Variants in MYO5B observed in about 807,000 individuals in gnomAD.
MYO5B encodes the protein unconventional myosin-Vb.
MYO5B carries 143 observed loss-of-function variants against 229.3 expected under a neutral mutation model. The ratio of observed to expected loss-of-function variants is 0.62; its 90% confidence interval spans 0.54 to 0.72. The LOEUF is 0.72. MYO5B is among the 30% of genes least tolerant of loss of function. The probability of loss-of-function intolerance (pLI) is 0.00; values close to 1 mark genes in which losing one functional copy is unlikely to be tolerated. For synonymous variants in MYO5B, 918 were observed against 885.2 expected, an observed-to-expected ratio of 1.04 and a Z score of -0.66; for missense variants, 2,321 against 2,331.0, an observed-to-expected ratio of 1.00 and a Z score of 0.09.
At chr18:49,930,891 C>CAAA (rs139716218) in intron 16 of MYO5B, among the ~76,000 whole-genome samples, 18,482 of 140,328 alleles carry the variant, frequency 0.13, 1,215 homozygotes, top group East Asian at 0.26. Context: ...GACTCTGTCT[C>CAAA]AAAAAAAAAC....
chr18:49,937,916 G>A (rs1229422321), intron 14 of MYO5B, among the ~76,000 whole-genome samples: 1 of 152,190 alleles, frequency 6.6e-6, no homozygotes, highest in African/African-American at 2.4e-5. Context: ...CAGACTTTTA[G>A]TGGTGATGAC....
chr18:49,846,109 C>T (rs1373255248), intron 33 of MYO5B, among the ~76,000 whole-genome samples: 3 of 152,178 alleles, frequency 2.0e-5, no homozygotes, highest in Non-Finnish European at 4.4e-5. Flanking sequence ...CAGGCCAGCC[C>T]TGATTCAGCC....
intron 35 of MYO5B, 77 bp downstream of exon 35, chr18:49,841,288 T>C: frequency 7.3e-7 from 1 of 1,370,242 alleles, no homozygotes; most frequent in Non-Finnish European, 1.0e-6. Flanking sequence ...CACTGACCTC[T>C]GAGGGTATAC....
chr18:49,912,999 T>C (rs2024974737), intron 17 of MYO5B, among the ~76,000 whole-genome samples: 1 of 152,222 alleles, frequency 6.6e-6, no homozygotes. Context: ...ATAACATGGT[T>C]TATGTTTTAA....
rs1269940433 is a variant in MYO5B at position 50,169,574 on chromosome 18, C to G, written c.27+25193G>C. 3.1e-5 allele frequency among the ~76,000 whole-genome samples: 4 copies of G among 126,992 alleles called. 1 individual carries two copies. The highest frequency in any genetic ancestry group is 6.7e-5 in the Non-Finnish European group (4 of 59,646). The allele number at this position is 126,992 out of a possible 152,430, so 83.3% of individuals were successfully genotyped here. A position where few individuals can be genotyped will look rare whatever the true frequency, so the allele number is the denominator to read the frequency against. On this transcript the variant is annotated intron_variant, in intron 1 of 39. Transcript: ENST00000285039. ...ACTGGCTGTAATCTACACAAACTGT[C>G]CAGGCCATGAAAGTCAAGGAAATAC...
chr18:49,841,285 C>G, intron 35 of MYO5B, 80 bp downstream of exon 35: 2 of 1,349,786 alleles, frequency 1.5e-6, no homozygotes, highest in Non-Finnish European at 2.1e-6. Context: ...CCCCACTGAC[C>G]TCTGAGGGTA....
intron 22 of MYO5B, among the ~76,000 whole-genome samples, chr18:49,890,624 A>G (rs1214681490): frequency 6.6e-6 from 1 of 152,212 alleles, no homozygotes; most frequent in Non-Finnish European, 1.5e-5. Context: ...CAAGAGGGAT[A>G]TTAGTACTAT....
At chr18:49,957,977 A>G (rs879717526) in intron 12 of MYO5B, among the ~76,000 whole-genome samples, 5 of 152,030 alleles carry the variant, frequency 3.3e-5, no homozygotes, top group Non-Finnish European at 7.4e-5. Context: ...GAATGGAGGC[A>G]GCTCCTTCCT....
chr18:49,842,435 G>T (rs907742476), intron 34 of MYO5B, among the ~76,000 whole-genome samples: 6 of 152,244 alleles, frequency 3.9e-5, no homozygotes, highest in Non-Finnish European at 5.9e-5. Context: ...GTGGACTCCA[G>T]AATTGGTTTG....
intron 12 of MYO5B, among the ~76,000 whole-genome samples, chr18:49,959,088 G>C (rs1026367923): frequency 6.6e-6 from 1 of 152,050 alleles, no homozygotes; most frequent in East Asian, 1.9e-4. Flanking sequence ...AGACAAATCA[G>C]ATCACTTCAA....
chr18:50,184,568 T>C (rs2033120247), intron 1 of MYO5B, among the ~76,000 whole-genome samples: 1 of 152,210 alleles, frequency 6.6e-6, no homozygotes, highest in Non-Finnish European at 1.5e-5. Context: ...AGCTAACATG[T>C]AGTGCTGAGA....
chr18:50,001,654 G>A (rs751741828), intron 4 of MYO5B, among the ~76,000 whole-genome samples: 1 of 152,166 alleles, frequency 6.6e-6, no homozygotes, highest in Non-Finnish European at 1.5e-5. Context: ...AGCGAGAGTG[G>A]TGCAGACAAC....
chr18:50,056,593 C>T (rs536619898), intron 1 of MYO5B, among the ~76,000 whole-genome samples: 66 of 152,290 alleles, frequency 4.3e-4, no homozygotes, highest in African/African-American at 1.5e-3. Flanking sequence ...AAAGCTCAAC[C>T]AGAACATGTG....
At chr18:49,875,060 T>C (rs753143380) in intron 26 of MYO5B, among the ~76,000 whole-genome samples, 2 of 152,254 alleles carry the variant, frequency 1.3e-5, no homozygotes, top group African/African-American at 2.4e-5. Flanking sequence ...CTGCTGTCCT[T>C]TAATGAACAT....
At chr18:49,968,278 G>C (rs1255057863) in intron 10 of MYO5B, among the ~76,000 whole-genome samples, 1 of 152,218 alleles carries the variant, frequency 6.6e-6, no homozygotes, top group Non-Finnish European at 1.5e-5. Flanking sequence ...AGATGAGCTG[G>C]GGAGGAAAAG....
chr18:50,098,143 A>G (rs1052377453), intron 1 of MYO5B, among the ~76,000 whole-genome samples: 2 of 152,238 alleles, frequency 1.3e-5, no homozygotes, highest in South Asian at 4.1e-4. Context: ...TTACTCCACA[A>G]TATAACTTGC....
At chr18:49,875,914 C>T in intron 25 of MYO5B, 87 bp from the exon 26 acceptor site, 1 of 1,460,518 alleles carries the variant, frequency 6.8e-7, no homozygotes, top group Non-Finnish European at 9.5e-7. Context: ...CCCTCTATAT[C>T]AGCCATCTGT....
chr18:50,105,560 T>C (rs2031742841), intron 1 of MYO5B, among the ~76,000 whole-genome samples: 1 of 152,212 alleles, frequency 6.6e-6, no homozygotes, highest in African/African-American at 2.4e-5. Context: ...AGCGGAACTA[T>C]AGTGATGGAG....
intron 16 of MYO5B, among the ~76,000 whole-genome samples, chr18:49,933,869 T>A (rs562715407): frequency 7.7e-4 from 118 of 152,330 alleles, no homozygotes; most frequent in African/African-American, 2.6e-3. Context: ...GATTCTTTCA[T>A]CAGGATACTT....
Sources: gnomAD v4.1 joint callset for allele counts (sites outside exome capture counted in the v4.1 genomes callset) on GRCh38, gnomAD v4.1.1 for gene constraint, MANE v1.5 for transcripts, NCBI Gene and HGNC (gene_info 2026-07-23, HGNC 2026-07-21) for gene names.